GRM7: variants seen among roughly 807,000 people sequenced by gnomAD.
GRM7 encodes the protein glutamate metabotropic receptor 7, also known as metabotropic glutamate receptor 7.
Under a neutral mutation model 84.5 loss-of-function variants are expected in GRM7, and 35 were observed. The ratio of observed to expected loss-of-function variants is 0.41; its 90% confidence interval spans 0.32 to 0.55. The LOEUF (loss-of-function observed/expected upper bound fraction) is 0.55, where lower values mean the gene tolerates loss of function less well. Ranked by LOEUF, GRM7 falls within the 20% of genes least tolerant of loss-of-function variation. GRM7 has a pLI of 0.19. For synonymous variants in GRM7, 487 were observed against 455.1 expected (o/e 1.07, Z -0.89); for missense variants, 1,003 against 1,194.6 (o/e 0.84, Z 2.36).
intron 4 of GRM7, among the ~76,000 whole-genome samples, chr3:7,355,484 C>T (rs1439954349): frequency 6.6e-6 from 1 of 152,116 alleles, no homozygotes; most frequent in Non-Finnish European, 1.5e-5. Flanking sequence ...ATTTGGAAGG[C>T]TTCTGTAGGT....
intron 4 of GRM7, among the ~76,000 whole-genome samples, chr3:7,412,396 C>T (rs922968146): frequency 6.6e-6 from 1 of 152,172 alleles, no homozygotes; most frequent in Non-Finnish European, 1.5e-5. Flanking sequence ...TCCTCTGACC[C>T]CCTCTTGACA....
At chr3:7,193,250 A>G (rs1045056668) in intron 2 of GRM7, among the ~76,000 whole-genome samples, 5 of 152,134 alleles carry the variant, frequency 3.3e-5, no homozygotes, top group Admixed American at 1.3e-4. Flanking sequence ...AACTAGAAAA[A>G]CACCACAGCA....
chr3:7,493,454 T>A (rs1699595122), intron 7 of GRM7, among the ~76,000 whole-genome samples: 1 of 152,036 alleles, frequency 6.6e-6, no homozygotes, highest in African/African-American at 2.4e-5. Flanking sequence ...GCCTTTGCTC[T>A]GAAGTCCATT....
At position 7,115,197 on chromosome 3, in the gene GRM7, A is replaced by G. The variant is rs531561516; in HGVS notation, c.520-31255A>G. 9.2e-5 allele frequency among the ~76,000 whole-genome samples: 14 copies of G among 152,296 alleles called. No homozygotes were observed. In the South Asian group the frequency reaches 2.9e-3, roughly 32 times the overall value. On this transcript the variant is annotated intron_variant, in intron 1 of 9. Coordinates refer to ENST00000357716, the MANE Select transcript of GRM7 (RefSeq NM_000844.4). ...TAAATCTAATGATTTTAGATTCCAG[A>G]GCACATGATCTGAACCATAATGCTA...
intron 6 of GRM7, among the ~76,000 whole-genome samples, chr3:7,459,043 C>T (rs1698134131): frequency 7.9e-5 from 12 of 152,074 alleles, no homozygotes; most frequent in Admixed American, 7.9e-4. Flanking sequence ...ACTGGAAAGA[C>T]TTGTGTTGAT....
chr3:6,949,341 C>T (rs990840897), intron 1 of GRM7, among the ~76,000 whole-genome samples: 27 of 152,122 alleles, frequency 1.8e-4, no homozygotes, highest in Admixed American at 1.3e-4. Context: ...ATATGAAATT[C>T]TGGGTTGAAA....
chr3:7,293,265 T>G (rs1055301340), intron 2 of GRM7, among the ~76,000 whole-genome samples: 3 of 152,140 alleles, frequency 2.0e-5, no homozygotes, highest in South Asian at 4.1e-4. Context: ...GCATCTGTGG[T>G]GTGATTCCTG....
At chr3:7,056,786 G>A (rs1697240775) in intron 1 of GRM7, among the ~76,000 whole-genome samples, 1 of 151,880 alleles carries the variant, frequency 6.6e-6, no homozygotes, top group African/African-American at 2.4e-5. Flanking sequence ...ATAACAGAGA[G>A]AAAAACCTTG....
chr3:7,259,148 G>A (rs573782370), intron 2 of GRM7, among the ~76,000 whole-genome samples: 63 of 152,240 alleles, frequency 4.1e-4, no homozygotes, highest in African/African-American at 1.5e-3. Context: ...CGACCATTTG[G>A]CCAGCATGCC....
At chr3:7,129,736 G>T (rs1693528645) in intron 1 of GRM7, among the ~76,000 whole-genome samples, 1 of 152,198 alleles carries the variant, frequency 6.6e-6, no homozygotes, top group South Asian at 2.1e-4. Flanking sequence ...CGCTGCAGAA[G>T]TAGCCTGGGT....
At chr3:7,514,483 CT>C (rs1206926464) in intron 7 of GRM7, among the ~76,000 whole-genome samples, 1 of 152,168 alleles carries the variant, frequency 6.6e-6, no homozygotes, top group Admixed American at 6.5e-5. Flanking sequence ...ATGGTCATCT[CT>C]GGATATATTA....
chr3:7,731,206 A>G (rs1702320810), intron 9 of GRM7, among the ~76,000 whole-genome samples: 1 of 152,152 alleles, frequency 6.6e-6, no homozygotes, highest in South Asian at 2.1e-4. Context: ...GGGGGAAAAA[A>G]AGAATGCTGT....
chr3:7,028,771 A>G (rs1267235041), intron 1 of GRM7, among the ~76,000 whole-genome samples: 1 of 152,200 alleles, frequency 6.6e-6, no homozygotes, highest in Non-Finnish European at 1.5e-5. Context: ...CAGACCTATT[A>G]GAATTGCTAA....
At chr3:7,180,812 A>T (rs73124149) in intron 2 of GRM7, among the ~76,000 whole-genome samples, 2,276 of 152,204 alleles carry the variant, frequency 0.015, 60 homozygotes, top group African/African-American at 0.052. Context: ...GCTAACACCT[A>T]CCATTGTATT....
chr3:7,631,603 G>C (rs1353990832), intron 8 of GRM7, among the ~76,000 whole-genome samples: 1 of 152,080 alleles, frequency 6.6e-6, no homozygotes, highest in Non-Finnish European at 1.5e-5. Context: ...AATAAACAAG[G>C]CTTTTTCAAC....
chr3:7,380,109 A>T (rs932380135), intron 4 of GRM7, among the ~76,000 whole-genome samples: 3 of 152,186 alleles, frequency 2.0e-5, no homozygotes, highest in African/African-American at 7.2e-5. Flanking sequence ...TTGGCTTGAA[A>T]TATGGGAGGT....
chr3:7,142,210 G>A (rs1471360345), intron 1 of GRM7, among the ~76,000 whole-genome samples: 1 of 151,872 alleles, frequency 6.6e-6, no homozygotes, highest in Admixed American at 6.6e-5. Flanking sequence ...AAGGGAAGGG[G>A]AGACTAAGAC....
At chr3:7,159,599 A>G (rs766277682) in intron 2 of GRM7, among the ~76,000 whole-genome samples, 1 of 152,128 alleles carries the variant, frequency 6.6e-6, no homozygotes, top group South Asian at 2.1e-4. Flanking sequence ...CCAAACATCA[A>G]TCGAACACCT....
At chr3:6,909,627 A>C (rs1219854290) in intron 1 of GRM7, among the ~76,000 whole-genome samples, 1 of 152,070 alleles carries the variant, frequency 6.6e-6, no homozygotes, top group African/African-American at 2.4e-5. Context: ...TGTATATAAA[A>C]AAGAAATGAT....
Sources: allele counts gnomAD v4.1 joint callset (sites outside exome capture counted in the v4.1 genomes callset), GRCh38; gene constraint gnomAD v4.1.1; transcripts MANE v1.5; gene names NCBI Gene and HGNC (gene_info 2026-07-23, HGNC 2026-07-21).